The following SRCAP variants were observed in gnomAD, a reference collection of about 807,000 sequenced individuals.
The protein encoded by SRCAP is Snf2 related CREBBP activator protein.
A neutral mutation model predicts 263.1 loss-of-function variants in SRCAP; 46 were observed. The ratio of observed to expected loss-of-function variants is 0.17; its 90% confidence interval spans 0.14 to 0.22. SRCAP has a LOEUF of 0.22. SRCAP is among the 10% of genes least tolerant of loss of function. The probability of loss-of-function intolerance (pLI) is 1.00; values close to 1 mark genes in which losing one functional copy is unlikely to be tolerated. For missense variants in SRCAP, 3,695 were observed against 4,181.9 expected (o/e 0.88, Z 3.21); for synonymous variants, 1,813 against 1,662.1 (o/e 1.09, Z -2.21).
intron 1 of SRCAP, 83 bp downstream of exon 1, chr16:30,699,325 T>C (rs1444482009): frequency 7.5e-6 from 3 of 397,716 alleles, no homozygotes; most frequent in Non-Finnish European, 1.3e-5. Flanking sequence ...CCTTAAACAC[T>C]GGGGAAGCAT....
At position 30,725,017 on chromosome 16, in the gene SRCAP, A is replaced by G. The variant is rs761284586; in HGVS notation, c.5593A>G (p.Thr1865Ala). ...SGPPSPPSTA[T>A]SFGGPRPRRQ... The stretch of plus-strand genomic sequence containing the variant: ...TCCCCCCAGCCCTCCCTCCACTGCT[A>G]CCTCGTTTGGTGGCCCCCGGCCTCG... The change falls in exon 25 of 34, where the codon ACC becomes GCC. Residue 1865 changes from threonine to alanine, a missense_variant. Thr to Ala is a moderately conservative substitution (Grantham distance 58). Coordinates refer to ENST00000262518, the MANE Select transcript of SRCAP (RefSeq NM_006662.3). 6 of 1,612,774 alleles carry G rather than the reference A, an allele frequency of 3.7e-6. No homozygotes were observed. The African/African-American group carries it at 6.7e-5, about 18-fold the overall frequency.
intron 27 of SRCAP, among the ~76,000 whole-genome samples, chr16:30,731,553 T>A (rs987297652): frequency 6.6e-6 from 1 of 152,214 alleles, no homozygotes; most frequent in African/African-American, 2.4e-5. Flanking sequence ...TCAGAGTAGA[T>A]GAACTGAAAG....
At position 30,723,635 on chromosome 16, in the gene SRCAP, C is replaced by T. The variant is rs764249815; in HGVS notation, c.4211C>T (p.Pro1404Leu). 3.1e-6 allele frequency: 5 copies of T among 1,613,652 alleles called. No homozygotes were observed. The South Asian group carries it at 4.4e-5, about 14-fold the overall frequency. Residue 1404 changes from proline (P) to leucine (L), a missense_variant, in exon 25 of 34, where the codon CCA becomes CTA. This residue lies in a region of SRCAP where 1,347 missense variants were observed against 1,304.4 expected (regional missense o/e 1.03). Coordinates refer to ENST00000262518, the MANE Select transcript of SRCAP (RefSeq NM_006662.3). ...ACCATCTCTTCTCCTCTCCACGTGC[C>T]ATCCTCCCTCCCTGGGCCAGCCTCT... ...PLTISSPLHV[P>L]SSLPGPASSP...
chr16:30,722,145 C>A lies in SRCAP; in HGVS notation c.3565C>A (p.Gln1189Lys). ...LPSGEVVSIG[Q>K]LASLAQRPVA... ...AGCAGGCGAAGTGGTCAGCATCGGG[C>A]AGTTAGCCTCACTGGCACAACGTCC... Residue 1189 changes from glutamine to lysine, a missense_variant, in exon 22 of 34, where the codon CAG becomes AAG. Coordinates refer to ENST00000262518, the MANE Select transcript of SRCAP (RefSeq NM_006662.3). The A allele has an allele frequency of 6.2e-7, 1 of 1,614,066 alleles. No homozygotes were observed. The highest frequency in any genetic ancestry group is 1.3e-5 in the African/African-American group (1 of 75,044).
chr16:30,727,594 C>A (rs896924604), intron 25 of SRCAP, among the ~76,000 whole-genome samples: 5 of 152,104 alleles, frequency 3.3e-5, no homozygotes, highest in Admixed American at 1.3e-4. Context: ...CACTCTGTCA[C>A]CAGGCTGCAG....
At chr16:30,718,793 G>C (rs1370116949) in intron 18 of SRCAP, among the ~76,000 whole-genome samples, 1 of 151,964 alleles carries the variant, frequency 6.6e-6, no homozygotes, top group Non-Finnish European at 1.5e-5. Context: ...TTTTGATGTA[G>C]TTCAATTTAT....
chr16:30,734,047 T>C, intron 30 of SRCAP, 39 bp downstream of exon 30: 2 of 1,522,162 alleles, frequency 1.3e-6, no homozygotes, highest in Non-Finnish European at 1.8e-6. Flanking sequence ...AGGAGAAAAC[T>C]GCTGCGCCTT....
chr16:30,701,956 T>C (rs1012683106), intron 3 of SRCAP, among the ~76,000 whole-genome samples: 6 of 151,166 alleles, frequency 4.0e-5, no homozygotes, highest in South Asian at 2.1e-4. Context: ...TTCTTTCTTT[T>C]TTTTTTTTTT....
intron 24 of SRCAP, 67 bp downstream of exon 24, chr16:30,723,296 G>A: frequency 6.5e-7 from 1 of 1,526,798 alleles, no homozygotes; most frequent in Non-Finnish European, 8.8e-7. Flanking sequence ...TCGCCTCAAG[G>A]TTTCTTAGTT....
Position 30,734,557 on chromosome 16 carries a change from C to G in SRCAP, c.6671C>G (p.Ser2224Cys). 1 of 1,614,002 alleles carries G rather than the reference C, an allele frequency of 6.2e-7. No individual in the cohort carries two copies. Among genetic ancestry groups the G allele is most frequent in the Non-Finnish European group, 8.5e-7 (1 of 1,179,996 alleles). The change falls in exon 31 of 34, where the codon TCT becomes TGT. Residue 2224 changes from serine to cysteine, a missense_variant. Around this residue, in one of 12 missense-constraint regions of SRCAP, gnomAD observed 53 missense variants for 45.6 expected, o/e 1.16. Transcript: ENST00000262518. Reference sequence around the variant, plus strand: ...GAACCTTCTAGCTCATCCGTGCCCTCTGCCCCTGAAGAGGAGGAAGAGACT... The same window carrying G: ...GAACCTTCTAGCTCATCCGTGCCCTGTGCCCCTGAAGAGGAGGAAGAGACT... ...LEEPSSSSVP[S>C]APEEEEETVA...
chr16:30,736,139 A>G, intron 31 of SRCAP, 61 bp from the exon 32 acceptor site: 2 of 1,597,798 alleles, frequency 1.3e-6, no homozygotes, highest in Non-Finnish European at 1.7e-6. Flanking sequence ...CCTGAATCAA[A>G]TCACAGGATG....
intron 3 of SRCAP, among the ~76,000 whole-genome samples, chr16:30,701,649 T>G (rs2052767823): frequency 1.6e-5 from 2 of 123,222 alleles, no homozygotes; most frequent in Admixed American, 1.4e-4. Context: ...TTTTTTTTTT[T>G]TTGAAATGGA....
At position 30,723,677 on chromosome 16, in the gene SRCAP, C is replaced by T. The variant is rs749289336; in HGVS notation, c.4253C>T (p.Pro1418Leu). 2 of 1,613,760 alleles carry T rather than the reference C, an allele frequency of 1.2e-6. No individual in the cohort carries two copies. The highest frequency in any genetic ancestry group is 1.7e-6 in the Non-Finnish European group (2 of 1,179,848). Residue 1418 changes from proline to leucine, a missense_variant, in exon 25 of 34, where the codon CCC (proline) becomes CTC (leucine). This residue lies in a region of SRCAP where 1,347 missense variants were observed against 1,304.4 expected (regional missense o/e 1.03). Coordinates refer to ENST00000262518, the MANE Select transcript of SRCAP (RefSeq NM_006662.3). ...CCAGCCTCTTCTCCAATGCCAATTCCCAACTCCTCTCCCCTTGCTAGTCCT... is the reference window on the plus strand; with the variant it reads ...CCAGCCTCTTCTCCAATGCCAATTCTCAACTCCTCTCCCCTTGCTAGTCCT... ...PGPASSPMPI[P>L]NSSPLASPVS...
chr16:30,734,986 T>A (rs946205675), intron 31 of SRCAP, among the ~76,000 whole-genome samples: 2 of 152,138 alleles, frequency 1.3e-5, no homozygotes, highest in Admixed American at 1.3e-4. Flanking sequence ...GCTGGAGAGC[T>A]CTGAAAACAC....
At chr16:30,727,813 A>G (rs1163316578) in intron 25 of SRCAP, among the ~76,000 whole-genome samples, 1 of 152,062 alleles carries the variant, frequency 6.6e-6, no homozygotes, top group African/African-American at 2.4e-5. Context: ...CGGCCTCCCA[A>G]AGTGCTGGGA....
In SRCAP at chr16:30,707,293, T is replaced by C; in HGVS notation, c.417T>C (p.Tyr139=). 6.2e-7 allele frequency: 1 copy of C among 1,614,154 alleles called. No homozygotes were observed. The highest frequency in any genetic ancestry group is 1.3e-5 in the African/African-American group (1 of 75,034). The change falls in exon 5 of 34, where the codon TAT becomes TAC. Residue 139 remains tyrosine, a synonymous_variant. Transcript: ENST00000262518. ...CTCGCCCCAAAGGTCACTGGGACTA[T>C]TTGTGCGAAGAGATGCAGTGGCTCT... The part of the protein sequence containing the change: ...EPPRPKGHWD[Y]LCEEMQWLSA...
chr16:30,701,350 C>T (rs2052764007), intron 3 of SRCAP: 2 of 152,818 alleles, frequency 1.3e-5, no homozygotes, highest in African/African-American at 2.4e-5. Context: ...AAAAGGGTTT[C>T]TTTATTGTGT....
At chr16:30,705,203 A>T (rs966004240) in intron 4 of SRCAP, among the ~76,000 whole-genome samples, 93 of 152,126 alleles carry the variant, frequency 6.1e-4, no homozygotes, top group African/African-American at 2.2e-3. Flanking sequence ...CAGGAAGCTG[A>T]GGCAGGGAAA....
At position 30,739,089 on chromosome 16, in the gene SRCAP, C is replaced by T. The variant is rs1480657546; in HGVS notation, c.9049C>T (p.Pro3017Ser). The T allele has an allele frequency of 3.1e-6, 5 of 1,614,120 alleles. No homozygotes were observed. The African/African-American group carries it at 5.3e-5, about 17-fold the overall frequency. The change falls in exon 34 of 34, where the codon CCT becomes TCT. Residue 3017 changes from proline (P) to serine (S), a missense_variant. Coordinates refer to ENST00000262518, the MANE Select transcript of SRCAP (RefSeq NM_006662.3). Reference protein sequence around the residue: ...RGRPPKNPPSPRPSQLPVLDR... With the variant: ...RGRPPKNPPSSRPSQLPVLDR... The stretch of plus-strand genomic sequence containing the variant: ...CCGACCTCCCAAGAATCCTCCATCA[C>T]CTCGGCCCAGCCAGCTCCCCGTCTT...
Sources: gnomAD v4.1 joint callset for allele counts (sites outside exome capture counted in the v4.1 genomes callset) on GRCh38, gnomAD v4.1.1 for gene constraint, gnomAD v4.1.1 regional missense constraint, MANE v1.5 for transcripts, NCBI Gene and HGNC (gene_info 2026-07-23, HGNC 2026-07-21) for gene names.